The following VPS13C variants were observed in gnomAD, a reference collection of about 807,000 sequenced individuals.
VPS13C encodes intermembrane lipid transfer protein VPS13C.
In VPS13C, 358 loss-of-function variants were observed where a neutral mutation model predicts 456.8. The ratio of observed to expected loss-of-function variants is 0.78; its 90% CI spans 0.72 to 0.86. VPS13C has a LOEUF of 0.86. Ranked by LOEUF, VPS13C falls within the 40% of genes least tolerant of loss-of-function variation. The probability of loss-of-function intolerance (pLI) is 0.00; values close to 1 mark genes in which losing one functional copy is unlikely to be tolerated. For synonymous variants in VPS13C, 1,578 were observed against 1,486.7 expected (o/e 1.06, Z -1.41); for missense variants, 4,818 against 4,385.4 (o/e 1.10, Z -2.79).
chr15:61,913,615 T>C (rs142811535), intron 61 of VPS13C, among the ~76,000 whole-genome samples, 200 bp from the exon 62 acceptor site: 116 of 150,850 alleles, frequency 7.7e-4, no homozygotes, highest in African/African-American at 2.6e-3. Flanking sequence ...CTGAGAAAGT[T>C]TGAATGAGAA....
intron 51 of VPS13C, among the ~76,000 whole-genome samples, chr15:61,929,165 G>A (rs573380372): frequency 6.6e-6 from 1 of 152,194 alleles, no homozygotes; most frequent in African/African-American, 2.4e-5. Flanking sequence ...TCTTCAATGT[G>A]CTAGAATTCT....
At chr15:61,866,911 T>C (rs1195726216) in intron 81 of VPS13C, 1 of 984,236 alleles carries the variant, frequency 1.0e-6, no homozygotes, top group Non-Finnish European at 1.2e-6. Context: ...GTTTATACTT[T>C]GGCTTCATTT....
rs1208200265 is a variant in VPS13C, at chr15:61,863,453, T to C, written c.10939A>G (p.Met3647Val). Residue 3647 changes from methionine (M) to valine (V), a missense_variant, in exon 82 of 85, where the codon ATG becomes GTG. Coordinates refer to ENST00000644861, the MANE Select transcript of VPS13C (RefSeq NM_020821.3). ...AIPGSKKTIL[M>V]VTNRRVLCIK... ...TCAAGTCAGTACCTATTTGTAACCA[T>C]AAGGATTGTCTTCTTGCTTCCAGGA... 1.2e-6 allele frequency: 2 copies of C among 1,612,102 alleles called. No individual in the cohort carries two copies. Among genetic ancestry groups the C allele is most frequent in the Non-Finnish European group, 1.7e-6 (2 of 1,178,790 alleles).
chr15:61,977,301 T>G (rs1006076490), intron 23 of VPS13C, 102 bp from the exon 24 acceptor site: 2 of 734,960 alleles, frequency 2.7e-6, no homozygotes, highest in South Asian at 5.3e-5. Context: ...TTGTCAGACA[T>G]TCTATGGAAA....
In VPS13C at chr15:62,033,522, T is replaced by C. The variant is rs769645120; in HGVS notation, c.304A>G (p.Lys102Glu). 1 of 1,603,796 alleles carries C rather than the reference T, an allele frequency of 6.2e-7. No individual in the cohort carries two copies. Among genetic ancestry groups the C allele is most frequent in the South Asian group, 1.1e-5 (1 of 89,748 alleles). The change falls in exon 5 of 85, where the codon AAA becomes GAA. Residue 102 changes from lysine (K) to glutamate (E), a missense_variant. Physicochemically the swap from Lys to Glu is moderately conservative, Grantham distance 56. Coordinates refer to ENST00000644861, the MANE Select transcript of VPS13C (RefSeq NM_020821.3). ...PGASIKYDAV[K>E]EEKSLQDVKQ... ...ACATCCTGCAAGGATTTTTCTTCTT[T>C]TACAGCATCATACTTAATACCTAAA...
At chr15:61,889,388 G>C (rs1451887829) in intron 67 of VPS13C, among the ~76,000 whole-genome samples, 2 of 151,908 alleles carry the variant, frequency 1.3e-5, no homozygotes, top group Non-Finnish European at 2.9e-5. Context: ...CTCAGGTGTT[G>C]TGCAAAGTTC....
intron 1 of VPS13C, among the ~76,000 whole-genome samples, chr15:62,044,787 G>A (rs1380709144): frequency 6.6e-6 from 1 of 151,390 alleles, no homozygotes; most frequent in Admixed American, 6.6e-5. Flanking sequence ...CATATGCTAA[G>A]TTATAAAAAT....
At position 62,056,640 on chromosome 15, in the gene VPS13C, C is replaced by T. The variant is rs566738005; in HGVS notation, c.100+3635G>A. Among the ~76,000 whole-genome samples the T allele has an allele frequency of 5.9e-5, 9 of 152,250 alleles. No individual in the cohort carries two copies. The South Asian group carries it at 1.7e-3, about 28-fold the overall frequency. ...CCACCTCTTGTGGAGGGCCTGACAT[C>T]AGTCAGGCTTGCCCGCAGTTATCCG... On this transcript the variant is annotated intron_variant, in intron 1 of 84. Transcript: ENST00000644861.
At chr15:61,953,180 T>C in intron 38 of VPS13C, among the ~76,000 whole-genome samples, 1 of 152,102 alleles carries the variant, frequency 6.6e-6, no homozygotes, top group East Asian at 1.9e-4. Context: ...TCTTTCTGCC[T>C]TGCCCCAGAC....
At position 61,907,402 on chromosome 15, in the gene VPS13C, T is replaced by C. The variant is rs2043181483; in HGVS notation, c.8979-12A>G. The C allele has an allele frequency of 1.2e-6, 2 of 1,612,560 alleles. No homozygotes were observed. Among genetic ancestry groups the C allele is most frequent in the East Asian group, 2.2e-5 (1 of 44,868 alleles). ...CTTCTGGTGACCCACTAAAACACAA[T>C]GAACAGAGAGAAAATCAGAATATCT... On this transcript the variant is annotated splice_polypyrimidine_tract_variant and intron_variant, in intron 65 of 84. Transcript: ENST00000644861.
chr15:61,866,851 T>A, intron 81 of VPS13C: 2 of 974,880 alleles, frequency 2.1e-6, no homozygotes, highest in Non-Finnish European at 2.4e-6. Context: ...ACTGAACAAT[T>A]ATATGTTAAT....
Position 61,868,696 on chromosome 15 carries a change from T to C in VPS13C, c.10826A>G (p.Tyr3609Cys). 6.2e-7 allele frequency: 1 copy of C among 1,614,078 alleles called. No homozygotes were observed. The highest frequency in any genetic ancestry group is 1.1e-5 in the South Asian group (1 of 91,076). Residue 3609 changes from tyrosine (Y) to cysteine (C), a missense_variant, in exon 81 of 85, where the codon TAT becomes TGT. Physicochemically the swap from Tyr to Cys is radical, Grantham distance 194. Transcript: ENST00000644861. ...LIHEDGIIRP[Y>C]DRQESEGSDL... ...AGAGCCCTCAGATTCCTGTCTGTCA[T>C]AAGGACGAATGATGCCATCTTCATG...
At position 62,060,364 on chromosome 15, in the gene VPS13C, TC is replaced by T; in HGVS notation, c.10del (p.Glu4SerfsTer8). On this transcript the variant is annotated frameshift_variant, in exon 1 of 85. Coordinates refer to ENST00000644861, the MANE Select transcript of VPS13C (RefSeq NM_020821.3). LOFTEE classifies it high-confidence loss of function. MVL[E>X]SVVADLLNRF... Reference sequence around the variant, plus strand: ...GTTCAGCAAGTCCGCGACCACCGACTCCAGCACCATGGTGGCGCTGAGGCAC... The same window carrying T: ...GTTCAGCAAGTCCGCGACCACCGACTCAGCACCATGGTGGCGCTGAGGCAC... 1 of 1,580,698 alleles carries T rather than the reference TC, an allele frequency of 6.3e-7. No homozygotes were observed. The highest frequency in any genetic ancestry group is 8.6e-7 in the Non-Finnish European group (1 of 1,161,854).
At chr15:61,990,201 A>T (rs1309828701) in intron 18 of VPS13C, among the ~76,000 whole-genome samples, 1 of 152,192 alleles carries the variant, frequency 6.6e-6, no homozygotes, top group Non-Finnish European at 1.5e-5. Flanking sequence ...TGGTAGTAAA[A>T]AACAAAAAGA....
chr15:61,854,358 AT>A lies in VPS13C; in HGVS notation c.*98del. 1 of 1,126,102 alleles carries A rather than the reference AT, an allele frequency of 8.9e-7. No homozygotes were observed. The highest frequency in any genetic ancestry group is 1.4e-6 in the Non-Finnish European group (1 of 738,696). The allele number at this position is 1,126,102 out of a possible 1,614,324, so 69.8% of individuals were successfully genotyped here. ...TATTCCAGAAAACTAAAACTAAAGG[AT>A]TGCTTGAAAAATTGTCTTTAGCAAG... On this transcript the variant is annotated 3_prime_UTR_variant, in exon 85 of 85. Transcript: ENST00000644861.
chr15:62,032,228 A>G (rs2047843818), intron 5 of VPS13C, among the ~76,000 whole-genome samples: 1 of 151,766 alleles, frequency 6.6e-6, no homozygotes, highest in Admixed American at 6.6e-5. Flanking sequence ...ACTTTTACAT[A>G]TATTAATTAG....
At chr15:61,912,810 A>C (rs1483898092) in intron 62 of VPS13C, among the ~76,000 whole-genome samples, 2 of 104,610 alleles carry the variant, frequency 1.9e-5, no homozygotes, top group East Asian at 3.3e-4. Context: ...ACCCCAAAAC[A>C]GTCCCCAGAG....
At chr15:62,004,175 T>C (rs997031496) in intron 15 of VPS13C, among the ~76,000 whole-genome samples, 25 of 151,754 alleles carry the variant, frequency 1.6e-4, no homozygotes, top group African/African-American at 5.8e-4. Context: ...TGGTAAACTA[T>C]TGATTATTGC....
At chr15:61,964,394 T>G (rs1465617171) in intron 31 of VPS13C, among the ~76,000 whole-genome samples, 1 of 152,022 alleles carries the variant, frequency 6.6e-6, no homozygotes, top group Admixed American at 6.6e-5. Context: ...TAACTCTTTA[T>G]AAAGCCCCTT....
Sources: allele counts gnomAD v4.1 joint callset (sites outside exome capture counted in the v4.1 genomes callset), GRCh38; gene constraint gnomAD v4.1.1; transcripts MANE v1.5; gene names NCBI Gene and HGNC (gene_info 2026-07-23, HGNC 2026-07-21).